DLEU7: variants seen among roughly 807,000 people sequenced by gnomAD.
DLEU7 encodes the protein deleted in lymphocytic leukemia 7.
Under a neutral mutation model 16.0 loss-of-function variants are expected in DLEU7, and 17 were observed. That is an observed-to-expected ratio of 1.06 (90% confidence interval 0.73 to 1.59). The LOEUF (loss-of-function observed/expected upper bound fraction) is 1.59. Ranked by LOEUF, DLEU7 falls within the 40% of genes most tolerant of loss-of-function variation. The probability of loss-of-function intolerance (pLI) is 0.00; values close to 1 mark genes in which losing one functional copy is unlikely to be tolerated. For missense variants in DLEU7, 308 were observed against 314.9 expected (o/e 0.98, Z 0.17); for synonymous variants, 113 against 139.8 (o/e 0.81, Z 1.35).
intron 1 of DLEU7, among the ~76,000 whole-genome samples, chr13:50,787,017 T>C (rs928768735): frequency 2.0e-5 from 3 of 152,222 alleles, no homozygotes; most frequent in Non-Finnish European, 2.9e-5. Flanking sequence ...AAGGACATTA[T>C]TCAAGAAAAT....
At chr13:50,785,920 C>A (rs1023394173) in intron 1 of DLEU7, among the ~76,000 whole-genome samples, 8 of 152,148 alleles carry the variant, frequency 5.3e-5, no homozygotes, top group Non-Finnish European at 8.8e-5. Flanking sequence ...TTTAAAATGA[C>A]AGAACATACT....
chr13:50,746,363 C>T (rs372860310), intron 1 of DLEU7, among the ~76,000 whole-genome samples: 4 of 152,126 alleles, frequency 2.6e-5, no homozygotes, highest in South Asian at 4.1e-4. Flanking sequence ...GCTAAGGCAA[C>T]GTGATTTAAT....
intron 1 of DLEU7, among the ~76,000 whole-genome samples, chr13:50,835,507 G>A (rs1274294997): frequency 2.6e-5 from 4 of 152,164 alleles, no homozygotes; most frequent in African/African-American, 9.7e-5. Context: ...TCAAAAATTG[G>A]CAAGGATCAC....
chr13:50,754,959 A>G (rs495568), intron 1 of DLEU7, among the ~76,000 whole-genome samples: 86,722 of 152,042 alleles, frequency 0.57, 27,206 homozygotes, highest in African/African-American at 0.85. Flanking sequence ...TCTTATCTTC[A>G]CTGGATACAA....
At chr13:50,825,246 C>G (rs1198770373) in intron 1 of DLEU7, among the ~76,000 whole-genome samples, 1 of 152,078 alleles carries the variant, frequency 6.6e-6, no homozygotes, top group Admixed American at 6.6e-5. Context: ...CCAGTATGCA[C>G]CTTAAAAAAT....
rs1358549531 is a variant in DLEU7, at chr13:50,726,710, G to C, written c.460-13470C>G. Among the ~76,000 whole-genome samples the C allele has an allele frequency of 3.9e-5, 6 of 152,124 alleles. No individual in the cohort carries two copies. Among genetic ancestry groups the C allele is most frequent in the South Asian group, 2.1e-4 (1 of 4,802 alleles). Reference sequence around the variant, plus strand: ...ATTTCTCCAGGCATGGGTGCACCTCGGGGGTGGGCTGAGCACCTATGAGTC... The same window carrying C: ...ATTTCTCCAGGCATGGGTGCACCTCCGGGGTGGGCTGAGCACCTATGAGTC... On this transcript the variant is annotated intron_variant, in intron 1 of 1. Transcript: ENST00000400393. This position sits in a 1 kb window ranked among gnomAD's most constrained non-coding sequence, Gnocchi z 4.0.
In DLEU7 at chr13:50,841,964, G is replaced by A. The variant is rs183233977; in HGVS notation, c.459+1224C>T. Among the ~76,000 whole-genome samples the A allele has an allele frequency of 4.8e-3, 727 of 151,738 alleles. 10 individuals carry two copies. The highest frequency in any genetic ancestry group is 0.024 in the Admixed American group (361 of 15,248). ...CCCACCGCCCCCGCCACCTTTGGCA[G>A]TGTCTGGAGACATTTTTGGCTGTAT... On this transcript the variant is annotated intron_variant, in intron 1 of 1. Coordinates refer to ENST00000504404, the MANE Select transcript of DLEU7 (RefSeq NM_001306135.2).
chr13:50,776,222 T>C (rs1413159594), intron 1 of DLEU7, among the ~76,000 whole-genome samples: 2 of 152,222 alleles, frequency 1.3e-5, no homozygotes, highest in African/African-American at 2.4e-5. Flanking sequence ...ATGTTTGAGT[T>C]TTTGACTCAG....
At chr13:50,773,163 T>C (rs1875378497) in intron 1 of DLEU7, among the ~76,000 whole-genome samples, 1 of 152,234 alleles carries the variant, frequency 6.6e-6, no homozygotes, top group Non-Finnish European at 1.5e-5. Flanking sequence ...AGTTAGCCAT[T>C]CGTCTAATCT....
chr13:50,788,322 G>A (rs889565167), intron 1 of DLEU7, among the ~76,000 whole-genome samples: 25 of 152,162 alleles, frequency 1.6e-4, no homozygotes, highest in African/African-American at 5.8e-4. Context: ...TTAGAGAGGG[G>A]GTGGAAATGT....
intron 1 of DLEU7, among the ~76,000 whole-genome samples, chr13:50,755,803 A>G (rs757674555): frequency 4.0e-5 from 6 of 151,742 alleles, no homozygotes; most frequent in Non-Finnish European, 1.5e-5. Context: ...TTGCCATATT[A>G]CCAGTGTTGT....
At chr13:50,796,687 A>G (rs536098372) in intron 1 of DLEU7, among the ~76,000 whole-genome samples, 2 of 152,192 alleles carry the variant, frequency 1.3e-5, no homozygotes, top group South Asian at 4.1e-4. Flanking sequence ...TGGCCAATGG[A>G]ATGTGAAAGG....
chr13:50,771,963 A>G (rs1314046816), intron 1 of DLEU7, among the ~76,000 whole-genome samples: 1 of 152,154 alleles, frequency 6.6e-6, no homozygotes, highest in East Asian at 1.9e-4. Context: ...TTGGGTGCAT[A>G]TATATTTAGG....
chr13:50,742,233 G>GA (rs1009082913), intron 1 of DLEU7, among the ~76,000 whole-genome samples: 5 of 151,756 alleles, frequency 3.3e-5, no homozygotes, highest in African/African-American at 1.2e-4. Flanking sequence ...CCAATTTTCT[G>GA]AAAAAAAGGA....
chr13:50,798,697 G>A (rs991522359), intron 1 of DLEU7, among the ~76,000 whole-genome samples: 1 of 152,238 alleles, frequency 6.6e-6, no homozygotes. Context: ...CGGGTCTCAT[G>A]TCAACCTCCA....
At chr13:50,740,744 G>A (rs1211992027) in intron 1 of DLEU7, among the ~76,000 whole-genome samples, 5 of 152,072 alleles carry the variant, frequency 3.3e-5, no homozygotes, top group Admixed American at 6.6e-5. Context: ...GCAAACAAAT[G>A]AACCAAAGCA....
At chr13:50,826,116 C>G (rs1360341591) in intron 1 of DLEU7, among the ~76,000 whole-genome samples, 2 of 151,266 alleles carry the variant, frequency 1.3e-5, no homozygotes, top group Non-Finnish European at 2.9e-5. Context: ...AACCTAGATC[C>G]TTCTCATGCT....
chr13:50,722,565 G>A (rs908799564), intron 1 of DLEU7, among the ~76,000 whole-genome samples: 2 of 152,066 alleles, frequency 1.3e-5, no homozygotes, highest in Admixed American at 1.3e-4. Context: ...CAAGGAATAC[G>A]CTATTGCAGA....
chr13:50,711,772 C>CCGGGGGGGGGGGGGGGGGGG, downstream of DLEU7: 20 of 72,908 alleles, frequency 2.7e-4, no homozygotes, highest in Admixed American at 1.3e-3. Context: ...GACCCAGTGG[C>CCGGGGGGGGGGGGGGGGGGG]GGGGGCGGGG....
Sources: gnomAD v4.1 joint callset for allele counts (sites outside exome capture counted in the v4.1 genomes callset) on GRCh38, gnomAD v4.1.1 for gene constraint, Gnocchi (gnomAD v3.1) non-coding constraint, MANE v1.5 for transcripts, NCBI Gene and HGNC (gene_info 2026-07-23, HGNC 2026-07-21) for gene names.